Variants in IPO8 observed in about 807,000 individuals in gnomAD.
IPO8 encodes the protein importin 8.
In IPO8, 65 loss-of-function variants were observed where a neutral mutation model predicts 141.2. That is an observed-to-expected ratio of 0.46 (90% confidence interval 0.38 to 0.57). IPO8 has a LOEUF of 0.57. Among genes scored for constraint, IPO8 ranks in the 20% least tolerant of loss-of-function variants. IPO8 has a pLI of 0.00. For missense variants in IPO8, 980 were observed against 1,246.8 expected, an observed-to-expected ratio of 0.79 and a Z score of 3.22; for synonymous variants, 411 against 420.3, an observed-to-expected ratio of 0.98 and a Z score of 0.27.
intron 22 of IPO8, among the ~76,000 whole-genome samples, chr12:30,635,728 A>G (rs1433237567): frequency 6.6e-6 from 1 of 152,132 alleles, no homozygotes; most frequent in Non-Finnish European, 1.5e-5. Context: ...AGATTGAACT[A>G]GGTAGTTTTA....
At chr12:30,638,203 A>T (rs74540057) in intron 21 of IPO8, among the ~76,000 whole-genome samples, 1,959 of 152,304 alleles carry the variant, frequency 0.013, 39 homozygotes, top group African/African-American at 0.043. Context: ...ATAAACACAT[A>T]AGAGAACCAA....
intron 20 of IPO8, among the ~76,000 whole-genome samples, chr12:30,645,492 A>G (rs1049821180): frequency 6.6e-6 from 1 of 152,190 alleles, no homozygotes; most frequent in Non-Finnish European, 1.5e-5. Context: ...AAAAAGAACA[A>G]CTAAACAAAA....
At chr12:30,674,926 A>C (rs188278411) in intron 6 of IPO8, among the ~76,000 whole-genome samples, 173 bp from the exon 7 acceptor site, 1 of 152,356 alleles carries the variant, frequency 6.6e-6, no homozygotes, top group Admixed American at 6.5e-5. Context: ...TAAGCAAAGT[A>C]AATTTCAACT....
chr12:30,677,681 G>A (rs1344485496), intron 5 of IPO8, among the ~76,000 whole-genome samples: 1 of 151,702 alleles, frequency 6.6e-6, no homozygotes, highest in Admixed American at 6.6e-5. Flanking sequence ...CTAGGCTAAT[G>A]TGTGTGTGTC....
rs1169233458 is a variant in IPO8 at position 30,694,842 on chromosome 12, G to A, written c.84+722C>T. The A allele has an allele frequency of 4.9e-5, 18 of 363,704 alleles. No homozygotes were observed. In the Admixed American group the frequency reaches 6.2e-4, roughly 12 times the overall value. The allele number at this position is 363,704 out of a possible 1,614,324, so 22.5% of individuals were successfully genotyped here. A position where few individuals can be genotyped will look rare whatever the true frequency, so the allele number is the denominator to read the frequency against. On this transcript the variant is annotated intron_variant, in intron 1 of 24. Coordinates refer to ENST00000256079, the MANE Select transcript of IPO8 (RefSeq NM_006390.4). ...GGGAAGAAGAAATAAGCTGGAGTTT[G>A]GGATCATTAAAATTTTGAAGTGTGG...
chr12:30,640,684 G>A lies in IPO8; in HGVS notation c.2269-949C>T, dbSNP rs998728203. ...GTCAAATAATTAGTTGTGGATAAACGCAGCCACAAGAAAATATAAATTAAG... is the reference window on the plus strand; with the variant it reads ...GTCAAATAATTAGTTGTGGATAAACACAGCCACAAGAAAATATAAATTAAG... On this transcript the variant is annotated intron_variant, in intron 20 of 24. Coordinates refer to ENST00000256079, the MANE Select transcript of IPO8 (RefSeq NM_006390.4). Among the ~76,000 whole-genome samples, 19 of 152,032 alleles carry A rather than the reference G, an allele frequency of 1.2e-4. 1 individual carries two copies. Among genetic ancestry groups the A allele is most frequent in the African/African-American group, 2.9e-4 (12 of 41,392 alleles).
chr12:30,644,165 A>G (rs920109450), intron 20 of IPO8, among the ~76,000 whole-genome samples: 9 of 151,634 alleles, frequency 5.9e-5, no homozygotes, highest in African/African-American at 2.2e-4. Flanking sequence ...GCCAGGAGTT[A>G]GAGAGCGGCC....
chr12:30,634,053 A>C, intron 23 of IPO8, 30 bp downstream of exon 23: 2 of 1,562,386 alleles, frequency 1.3e-6, no homozygotes, highest in Non-Finnish European at 1.8e-6. Context: ...AAAAAAAAAT[A>C]TCAGAAGATG....
chr12:30,666,052 A>C (rs1343091071), intron 11 of IPO8, 123 bp downstream of exon 11: 6 of 715,190 alleles, frequency 8.4e-6, no homozygotes, highest in Non-Finnish European at 1.3e-5. Flanking sequence ...GAAAAAAAAA[A>C]TCCTTAAGGT....
intron 2 of IPO8, among the ~76,000 whole-genome samples, chr12:30,690,284 GAA>G (rs2053279074): frequency 6.6e-6 from 1 of 151,418 alleles, no homozygotes; most frequent in Non-Finnish European, 1.5e-5. Flanking sequence ...GGGAGAGGAG[GAA>G]AAAAAAGAGC....
At chr12:30,682,541 A>T (rs1331900768) in intron 3 of IPO8, among the ~76,000 whole-genome samples, 1 of 152,218 alleles carries the variant, frequency 6.6e-6, no homozygotes, top group Non-Finnish European at 1.5e-5. Context: ...GTTATCTGAT[A>T]ACATAGATAA....
At chr12:30,690,703 T>C (rs2053283808) in intron 1 of IPO8, 126 bp from the exon 2 acceptor site, 1 of 530,252 alleles carries the variant, frequency 1.9e-6, no homozygotes, top group African/African-American at 2.0e-5. Flanking sequence ...GACAAACCCT[T>C]CAAGGCAAAA....
At chr12:30,652,698 G>T (rs1229983787) in intron 18 of IPO8, among the ~76,000 whole-genome samples, 2 of 152,012 alleles carry the variant, frequency 1.3e-5, no homozygotes, top group Non-Finnish European at 2.9e-5. Flanking sequence ...AATATAGTTG[G>T]TGTCCATAAA....
At chr12:30,638,120 C>T (rs1009904127) in intron 21 of IPO8, among the ~76,000 whole-genome samples, 1 of 152,080 alleles carries the variant, frequency 6.6e-6, no homozygotes. Context: ...AAGCAGAGCT[C>T]GAAAGAATCC....
Position 30,631,857 on chromosome 12 carries a change from G to T in IPO8, c.3016+38C>A. ...AAATAAGGCTGTCTGTTGGCACTCTGACACATGCACTCCACTCTGGAGGTT... is the reference window on the plus strand; with the variant it reads ...AAATAAGGCTGTCTGTTGGCACTCTTACACATGCACTCCACTCTGGAGGTT... On this transcript the variant is annotated intron_variant, in intron 24 of 24. Transcript: ENST00000256079. 1 of 1,396,082 alleles carries T rather than the reference G, an allele frequency of 7.2e-7. No individual in the cohort carries two copies. The highest frequency in any genetic ancestry group is 1.0e-6 in the Non-Finnish European group (1 of 992,764). The allele number at this position is 1,396,082 out of a possible 1,614,324, so 86.5% of individuals were successfully genotyped here. A position where few individuals can be genotyped will look rare whatever the true frequency, so the allele number is the denominator to read the frequency against.
At chr12:30,684,504 C>T in intron 2 of IPO8, 47 bp from the exon 3 acceptor site, 1 of 1,586,412 alleles carries the variant, frequency 6.3e-7, no homozygotes, top group South Asian at 1.1e-5. Flanking sequence ...AAAAGGATGG[C>T]TTTAATTCAG....
chr12:30,670,681 C>T (rs1032459111), intron 9 of IPO8, among the ~76,000 whole-genome samples: 23 of 152,200 alleles, frequency 1.5e-4, no homozygotes, highest in African/African-American at 5.5e-4. Context: ...AATAGAAAAA[C>T]ACTATGTGCC....
At chr12:30,686,125 G>C (rs548344301) in intron 2 of IPO8, among the ~76,000 whole-genome samples, 142 of 152,110 alleles carry the variant, frequency 9.3e-4, no homozygotes, top group Admixed American at 1.5e-3. Flanking sequence ...TATATAAAGG[G>C]GGATGTGTGT....
At chr12:30,638,972 C>T (rs1226127852) in intron 21 of IPO8, among the ~76,000 whole-genome samples, 1 of 152,110 alleles carries the variant, frequency 6.6e-6, no homozygotes, top group Non-Finnish European at 1.5e-5. Context: ...CGCCCGGCCT[C>T]ACTCTTCCTA....
Sources: gnomAD v4.1 joint callset for allele counts (sites outside exome capture counted in the v4.1 genomes callset) on GRCh38, gnomAD v4.1.1 for gene constraint, MANE v1.5 for transcripts, NCBI Gene and HGNC (gene_info 2026-07-23, HGNC 2026-07-21) for gene names.